Variants in GRIK3 observed in about 807,000 individuals in gnomAD.
GRIK3 encodes the protein glutamate receptor ionotropic, kainate 3.
In GRIK3, 29 loss-of-function variants were observed where a neutral mutation model predicts 102.5. That is an observed-to-expected ratio of 0.28 (90% confidence interval 0.21 to 0.39). The LOEUF (loss-of-function observed/expected upper bound fraction) is 0.39, where lower values mean the gene tolerates loss of function less well. GRIK3 is among the 10% of genes least tolerant of loss of function. GRIK3 has a pLI of 1.00. For missense variants in GRIK3, 908 were observed against 1,252.4 expected, an observed-to-expected ratio of 0.73 and a Z score of 4.15; for synonymous variants, 511 against 504.9, an observed-to-expected ratio of 1.01 and a Z score of -0.16.
At chr1:36,890,621 G>A (rs1641102609) in intron 2 of GRIK3, among the ~76,000 whole-genome samples, 1 of 152,182 alleles carries the variant, frequency 6.6e-6, no homozygotes, top group Admixed American at 6.5e-5. Flanking sequence ...TGCAATAAGA[G>A]TAAAGTCCTA....
At position 36,825,704 on chromosome 1, in the gene GRIK3, G is replaced by A. The variant is rs141859487; in HGVS notation, c.1653C>T (p.Asn551=). The change falls in exon 11 of 16, where the codon AAC becomes AAT. Residue 551 remains asparagine (N), a synonymous_variant. Coordinates refer to ENST00000373091, the MANE Select transcript of GRIK3 (RefSeq NM_000831.4). The part of the protein sequence containing the change: ...SILYRKPNGT[N]PSVFSFLNPL... ...GATTGAGGAAGGAGAAGACGCTGGG[G>A]TTGGTGCCATTGGGCTTTCGATACA... 4.1e-5 allele frequency: 66 copies of A among 1,613,960 alleles called. 1 individual carries two copies. The African/African-American group carries it at 6.8e-4, about 17-fold the overall frequency.
chr1:36,992,973 C>A (rs1046986508), intron 1 of GRIK3, among the ~76,000 whole-genome samples: 10 of 152,302 alleles, frequency 6.6e-5, no homozygotes, highest in Non-Finnish European at 1.2e-4. Context: ...GGACTCCAAG[C>A]TGTCCCTTGG....
chr1:36,806,009 G>A lies in GRIK3; in HGVS notation c.2314+95C>T, dbSNP rs1275423738. ...AAAACGTCACCTTTATCAGCCCCAT[G>A]GAATGAGCTGTGAGACGGAGTGTGA... is the stretch of plus-strand genomic sequence containing the variant. On this transcript the variant is annotated intron_variant, in intron 14 of 15. Coordinates refer to ENST00000373091, the MANE Select transcript of GRIK3 (RefSeq NM_000831.4). This position sits in a 1 kb window ranked among gnomAD's most constrained non-coding sequence, Gnocchi z 4.0. The A allele has an allele frequency of 1.4e-5, 10 of 695,098 alleles. No homozygotes were observed. The Admixed American group carries it at 2.0e-4, about 14-fold the overall frequency. The allele number at this position is 695,098 out of a possible 1,614,324, so 43.1% of individuals were successfully genotyped here.
At chr1:36,919,569 G>A (rs1641444204) in intron 1 of GRIK3, among the ~76,000 whole-genome samples, 1 of 152,030 alleles carries the variant, frequency 6.6e-6, no homozygotes, top group Admixed American at 6.5e-5. Context: ...GCAGGAGTCA[G>A]GCATGGTCAT....
intron 1 of GRIK3, among the ~76,000 whole-genome samples, chr1:36,928,764 C>T (rs903357181): frequency 6.6e-6 from 1 of 152,190 alleles, no homozygotes; most frequent in Non-Finnish European, 1.5e-5. Context: ...GTATTCTCTG[C>T]TTTGGTCATA....
chr1:36,975,288 GTTT>G (rs61125066), intron 1 of GRIK3, among the ~76,000 whole-genome samples: 1 of 113,348 alleles, frequency 8.8e-6, no homozygotes, highest in Non-Finnish European at 1.7e-5. Flanking sequence ...TCTAAAGTTG[GTTT>G]TTTTTTTTTT....
intron 13 of GRIK3, among the ~76,000 whole-genome samples, chr1:36,814,619 T>C (rs1179615849): frequency 6.8e-6 from 1 of 147,594 alleles, no homozygotes; most frequent in Non-Finnish European, 1.5e-5. Context: ...CACAGATACA[T>C]ATGTATGCAC....
intron 2 of GRIK3, among the ~76,000 whole-genome samples, chr1:36,882,069 C>G (rs893398284): frequency 6.6e-6 from 1 of 152,150 alleles, no homozygotes; most frequent in Non-Finnish European, 1.5e-5. Context: ...TTTATAATCA[C>G]AATCCCTGTC....
At chr1:36,968,518 C>T (rs1642104144) in intron 1 of GRIK3, among the ~76,000 whole-genome samples, 2 of 152,308 alleles carry the variant, frequency 1.3e-5, no homozygotes, top group African/African-American at 4.8e-5. Context: ...TCCAAACAAG[C>T]TTTGGGCAGC....
intron 1 of GRIK3, among the ~76,000 whole-genome samples, chr1:37,011,786 G>A (rs984530023): frequency 2.0e-5 from 3 of 152,216 alleles, no homozygotes; most frequent in African/African-American, 7.2e-5. Flanking sequence ...CCATGGGCCT[G>A]TTATGACTCC....
At chr1:36,889,433 G>T (rs1392749414) in intron 2 of GRIK3, among the ~76,000 whole-genome samples, 1 of 152,090 alleles carries the variant, frequency 6.6e-6, no homozygotes, top group Non-Finnish European at 1.5e-5. Context: ...GCCAAGCTGG[G>T]GCTAGACTGG....
chr1:36,806,038 G>C lies in GRIK3; in HGVS notation c.2314+66C>G, dbSNP rs1642497599. 9.8e-7 allele frequency: 1 copy of C among 1,025,276 alleles called. No individual in the cohort carries two copies. Among genetic ancestry groups the C allele is most frequent in the Admixed American group, 1.8e-5 (1 of 54,888 alleles). The allele number at this position is 1,025,276 out of a possible 1,614,324, so 63.5% of individuals were successfully genotyped here. A position where few individuals can be genotyped will look rare whatever the true frequency, so the allele number is the denominator to read the frequency against. ...TGAGCTGTGAGACGGAGTGTGAGGG[G>C]ACGCGGGGGTGGAGCCCTCCCTCTG... On this transcript the variant is annotated intron_variant, in intron 14 of 15. Transcript: ENST00000373091. The surrounding 1 kb of genome is among the most constrained non-coding windows in gnomAD (Gnocchi z 4.0).
intron 2 of GRIK3, among the ~76,000 whole-genome samples, chr1:36,886,282 C>T (rs965651567): frequency 6.6e-6 from 1 of 152,302 alleles, no homozygotes; most frequent in Non-Finnish European, 1.5e-5. Context: ...CCCCTCCCCC[C>T]ACAGGGCCCG....
intron 1 of GRIK3, among the ~76,000 whole-genome samples, chr1:36,982,153 C>T (rs961088797): frequency 1.3e-5 from 2 of 152,190 alleles, no homozygotes; most frequent in African/African-American, 4.8e-5. Context: ...CTCCAATAAA[C>T]TCTCAGGAAT....
chr1:36,932,378 G>T (rs1413355335), intron 1 of GRIK3, among the ~76,000 whole-genome samples: 1 of 152,176 alleles, frequency 6.6e-6, no homozygotes, highest in East Asian at 1.9e-4. Flanking sequence ...CTCTGGCCCC[G>T]TGGGACTTGG....
chr1:36,874,982 T>C (rs1640897454), intron 3 of GRIK3, among the ~76,000 whole-genome samples: 1 of 152,232 alleles, frequency 6.6e-6, no homozygotes, highest in African/African-American at 2.4e-5. Context: ...GCTCCCCTAA[T>C]CAATCTCTCT....
intron 1 of GRIK3, among the ~76,000 whole-genome samples, chr1:36,898,784 C>T (rs1258222320): frequency 6.6e-6 from 1 of 152,128 alleles, no homozygotes. Context: ...AAAGACATTT[C>T]CTGATTTCAA....
chr1:37,031,608 C>T (rs1013914163), intron 1 of GRIK3, among the ~76,000 whole-genome samples: 12 of 152,336 alleles, frequency 7.9e-5, no homozygotes, highest in East Asian at 5.8e-4. Context: ...GCTCCAAGCT[C>T]AGCCGGCTCA....
chr1:36,887,553 G>A (rs903421230), intron 2 of GRIK3, among the ~76,000 whole-genome samples: 1 of 151,848 alleles, frequency 6.6e-6, no homozygotes, highest in Non-Finnish European at 1.5e-5. Context: ...TCAGGAGTTC[G>A]AGACCAGTCT....
Sources: allele counts gnomAD v4.1 joint callset (sites outside exome capture counted in the v4.1 genomes callset), GRCh38; gene constraint gnomAD v4.1.1; non-coding constraint Gnocchi (gnomAD v3.1); transcripts MANE v1.5; gene names NCBI Gene and HGNC (gene_info 2026-07-23, HGNC 2026-07-21).